Variants in KIF1B observed in about 807,000 individuals in gnomAD.
KIF1B encodes kinesin-like protein KIF1B.
Under a neutral mutation model 241.9 loss-of-function variants are expected in KIF1B, and 76 were observed. That is an observed-to-expected ratio of 0.31 (90% CI 0.26 to 0.38). KIF1B has a LOEUF of 0.38. Among genes scored for constraint, KIF1B ranks in the 10% least tolerant of loss-of-function variants. KIF1B has a pLI of 1.00. For synonymous variants in KIF1B, 750 were observed against 796.7 expected, an observed-to-expected ratio of 0.94 and a Z score of 0.99; for missense variants, 1,622 against 2,271.4, an observed-to-expected ratio of 0.71 and a Z score of 5.81.
intron 36 of KIF1B, 62 bp from the exon 37 acceptor site, chr1:10,348,587 C>G (rs565223773): frequency 7.8e-7 from 1 of 1,279,820 alleles, no homozygotes; most frequent in Admixed American, 1.7e-5. Context: ...GGCCAGAAAA[C>G]AGTAGACGAG....
At position 10,271,510 on chromosome 1, in the gene KIF1B, A is replaced by C. The variant is rs769140189; in HGVS notation, c.729A>C (p.Lys243Asn). Residue 243 changes from lysine to asparagine, a missense_variant, in exon 8 of 49, where the codon AAA (lysine) becomes AAC (asparagine). By Grantham distance (94) the Lys-to-Asn change is moderately conservative (BLOSUM62 0). Transcript: ENST00000676179. ...ETNLSTEKVS[K>N]ISLVDLAGSE... ...TTATTGTTCTTTATCAGGTCAGTAA[A>C]ATCAGCTTGGTGGATCTAGCAGGAA... The C allele has an allele frequency of 6.2e-7, 1 of 1,613,300 alleles. No individual in the cohort carries two copies. The highest frequency in any genetic ancestry group is 8.5e-7 in the Non-Finnish European group (1 of 1,179,266).
chr1:10,316,625 C>G (rs1350369090), intron 22 of KIF1B, among the ~76,000 whole-genome samples: 1 of 151,374 alleles, frequency 6.6e-6, no homozygotes, highest in Non-Finnish European at 1.5e-5. Flanking sequence ...CTCAGCCCCT[C>G]TAGTAGCTGG....
chr1:10,232,375 A>G lies in KIF1B; in HGVS notation c.47A>G (p.Asn16Ser), dbSNP rs1409278786. The G allele has an allele frequency of 5.6e-6, 9 of 1,614,120 alleles. No homozygotes were observed. The highest frequency in any genetic ancestry group is 1.3e-5 in the African/African-American group (1 of 75,048). Reference protein sequence around the residue: ...VKVAVRVRPFNSRETSKESKC... With the variant: ...VKVAVRVRPFSSRETSKESKC... ...GTGGCTGTCCGGGTAAGGCCCTTCA[A>G]TTCTCGAGAGACCAGCAAGGAATCC... Residue 16 changes from asparagine to serine, a missense_variant, in exon 2 of 49, where the codon AAT becomes AGT. By Grantham distance (46) the Asn-to-Ser change is conservative (BLOSUM62 1). This residue lies in a region of KIF1B where 156 missense variants were observed against 244.8 expected (regional missense o/e 0.64). Coordinates refer to ENST00000676179, the MANE Select transcript of KIF1B (RefSeq NM_001365951.3).
chr1:10,335,405 A>G (rs1303696809), intron 28 of KIF1B, among the ~76,000 whole-genome samples: 3 of 152,178 alleles, frequency 2.0e-5, no homozygotes, highest in Non-Finnish European at 4.4e-5. Context: ...GGTGCCCACC[A>G]TCACACCCAG....
chr1:10,325,873 T>G (rs1651703447), intron 26 of KIF1B, among the ~76,000 whole-genome samples: 1 of 152,180 alleles, frequency 6.6e-6, no homozygotes, highest in Non-Finnish European at 1.5e-5. Flanking sequence ...TCTACTCACG[T>G]GTTTCCTTTG....
chr1:10,313,006 T>G (rs1360238709), intron 22 of KIF1B, among the ~76,000 whole-genome samples: 1 of 151,558 alleles, frequency 6.6e-6, no homozygotes, highest in African/African-American at 2.4e-5. Context: ...CTTAACCTCT[T>G]TCTTTCTCTT....
chr1:10,367,160 A>G (rs1638598694), intron 43 of KIF1B, among the ~76,000 whole-genome samples: 1 of 151,438 alleles, frequency 6.6e-6, no homozygotes, highest in South Asian at 2.1e-4. Context: ...CAGTGGCATG[A>G]TCTTGGCTCA....
At chr1:10,299,475 C>T (rs1235144806) in intron 22 of KIF1B, among the ~76,000 whole-genome samples, 1 of 152,154 alleles carries the variant, frequency 6.6e-6, no homozygotes, top group Non-Finnish European at 1.5e-5. Flanking sequence ...AGTAGTAATA[C>T]TGAATGGAAA....
chr1:10,239,274 T>C (rs1647100791), intron 2 of KIF1B, among the ~76,000 whole-genome samples: 1 of 152,226 alleles, frequency 6.6e-6, no homozygotes, highest in Non-Finnish European at 1.5e-5. Context: ...GAACTACCAT[T>C]AACATCTGGA....
rs1352943057 is a variant in KIF1B, at chr1:10,304,516, G to A, written c.2115+7270G>A. The A allele has an allele frequency of 2.5e-6, 4 of 1,613,648 alleles. No homozygotes were observed. Among genetic ancestry groups the A allele is most frequent in the Admixed American group, 3.3e-5 (2 of 59,996 alleles). On this transcript the variant is annotated intron_variant, in intron 22 of 48. Transcript: ENST00000676179. ...TTATAACACTGGAGGTCAGTTAGAG[G>A]GCAATGCAGCCACTTCCTATCAGAA...
At position 10,374,117 on chromosome 1, in the gene KIF1B, A is replaced by G. The variant is rs1003067129; in HGVS notation, c.4947-199A>G. Reference sequence around the variant, plus strand: ...ATGATCAATTTCCTTTCATAACTTCAGAAGGATGACACCAGTTGAACGCAG... The same window carrying G: ...ATGATCAATTTCCTTTCATAACTTCGGAAGGATGACACCAGTTGAACGCAG... On this transcript the variant is annotated intron_variant, in intron 45 of 48. Coordinates refer to ENST00000676179, the MANE Select transcript of KIF1B (RefSeq NM_001365951.3). This position sits in a 1 kb window ranked among gnomAD's most constrained non-coding sequence, Gnocchi z 4.3. 1.3e-5 allele frequency among the ~76,000 whole-genome samples: 2 copies of G among 152,206 alleles called. No homozygotes were observed. Among genetic ancestry groups the G allele is most frequent in the African/African-American group, 4.8e-5 (2 of 41,436 alleles).
At chr1:10,261,540 C>G (rs1238684714) in intron 4 of KIF1B, among the ~76,000 whole-genome samples, 2 of 152,080 alleles carry the variant, frequency 1.3e-5, no homozygotes, top group Non-Finnish European at 2.9e-5. Flanking sequence ...CCTTGCCCAG[C>G]CCAAATTTTT....
At chr1:10,348,110 T>C (rs1389541635) in intron 36 of KIF1B, among the ~76,000 whole-genome samples, 1 of 152,204 alleles carries the variant, frequency 6.6e-6, no homozygotes, top group Admixed American at 6.5e-5. Flanking sequence ...TATGTCACTT[T>C]TAATACTTTT....
chr1:10,373,308 T>G (rs1638798479), intron 45 of KIF1B, among the ~76,000 whole-genome samples: 1 of 135,890 alleles, frequency 7.4e-6, no homozygotes, highest in African/African-American at 2.8e-5. Context: ...CAGGCTGGAG[T>G]GCTGCAACCT....
rs780788919 is a variant in KIF1B at position 10,303,623 on chromosome 1, G to T, written c.2115+6377G>T. ...GACGTCATGGCCACTGGGAAAGGCA[G>T]CACTGATGTAGATGACCTCAAGGTT... On this transcript the variant is annotated intron_variant, in intron 22 of 48. Coordinates refer to ENST00000676179, the MANE Select transcript of KIF1B (RefSeq NM_001365951.3). This position sits in a 1 kb window ranked among gnomAD's most constrained non-coding sequence, Gnocchi z 5.2. 3 of 1,614,232 alleles carry T rather than the reference G, an allele frequency of 1.9e-6. No individual in the cohort carries two copies. The South Asian group carries it at 3.3e-5, about 18-fold the overall frequency.
At chr1:10,292,949 A>G (rs1370151444) in intron 17 of KIF1B, among the ~76,000 whole-genome samples, 1 of 152,176 alleles carries the variant, frequency 6.6e-6, no homozygotes, top group Non-Finnish European at 1.5e-5. Context: ...CTTTATTCAT[A>G]GGTTCTGTTG....
intron 5 of KIF1B, among the ~76,000 whole-genome samples, chr1:10,263,723 T>C (rs891798415): frequency 1.3e-5 from 2 of 152,226 alleles, no homozygotes; most frequent in African/African-American, 4.8e-5. Flanking sequence ...AATCAGGTGA[T>C]AGAATTTTTG....
intron 22 of KIF1B, chr1:10,308,025 GA>G (rs142832592): frequency 0.025 from 26,217 of 1,035,240 alleles, 389 homozygotes; most frequent in Non-Finnish European, 0.028. Context: ...GGTTGACACT[GA>G]AAAAAAAACA....
chr1:10,343,524 G>A (rs979120198), intron 34 of KIF1B, among the ~76,000 whole-genome samples: 8 of 152,166 alleles, frequency 5.3e-5, no homozygotes, highest in East Asian at 1.9e-4. Context: ...TTGGGAGGCC[G>A]AGGCAGGTGG....
Sources: gnomAD v4.1 joint callset for allele counts (sites outside exome capture counted in the v4.1 genomes callset) on GRCh38, gnomAD v4.1.1 for gene constraint, gnomAD v4.1.1 regional missense constraint, Gnocchi (gnomAD v3.1) non-coding constraint, MANE v1.5 for transcripts, NCBI Gene and HGNC (gene_info 2026-07-23, HGNC 2026-07-21) for gene names.